FRMD6: variants seen among roughly 807,000 people sequenced by gnomAD.
FRMD6 encodes FERM domain-containing protein 6.
Under a neutral mutation model 73.2 loss-of-function variants are expected in FRMD6, and 37 were observed. That is an observed-to-expected ratio of 0.51 (90% CI 0.39 to 0.66). The LOEUF is 0.66. Among genes scored for constraint, FRMD6 ranks in the 30% least tolerant of loss-of-function variants. FRMD6 has a pLI of 0.00. For synonymous variants in FRMD6, 273 were observed against 282.2 expected (o/e 0.97, Z 0.33); for missense variants, 714 against 780.5 (o/e 0.91, Z 1.02).
chr14:51,567,871 G>T (rs1596618178), intron 1 of FRMD6, among the ~76,000 whole-genome samples: 1 of 152,100 alleles, frequency 6.6e-6, no homozygotes, highest in East Asian at 1.9e-4. Flanking sequence ...TTCTTTTATA[G>T]CTATCTCAAA....
At chr14:51,546,882 G>T (rs1361777832) in intron 1 of FRMD6, 1 of 151,768 alleles carries the variant, frequency 6.6e-6, no homozygotes, top group Non-Finnish European at 1.5e-5. Flanking sequence ...GAGAAACCCG[G>T]GTAAAAGAGT....
At chr14:51,614,734 T>C (rs1566503879) in intron 2 of FRMD6, among the ~76,000 whole-genome samples, 1 of 152,164 alleles carries the variant, frequency 6.6e-6, no homozygotes, top group Non-Finnish European at 1.5e-5. Context: ...CAGCATCATG[T>C]TATAGTTGAA....
intron 1 of FRMD6, among the ~76,000 whole-genome samples, chr14:51,498,192 T>C (rs1883411072): frequency 6.6e-6 from 1 of 152,252 alleles, no homozygotes; most frequent in Non-Finnish European, 1.5e-5. Flanking sequence ...GCATTTTGTG[T>C]AGAAATAGCA....
chr14:51,633,468 G>C (rs1425643370), intron 2 of FRMD6, among the ~76,000 whole-genome samples: 1 of 151,406 alleles, frequency 6.6e-6, no homozygotes, highest in Non-Finnish European at 1.5e-5. Flanking sequence ...TGGGCATGGT[G>C]ACTCATGCCT....
At chr14:51,529,866 C>T (rs533328804) in intron 1 of FRMD6, among the ~76,000 whole-genome samples, 7 of 152,306 alleles carry the variant, frequency 4.6e-5, no homozygotes, top group Admixed American at 2.6e-4. Flanking sequence ...AACAAAAGCA[C>T]GTTCTGAGTA....
chr14:51,627,570 G>T (rs1891166145), intron 2 of FRMD6, among the ~76,000 whole-genome samples: 1 of 152,134 alleles, frequency 6.6e-6, no homozygotes, highest in South Asian at 2.1e-4. Context: ...AGGCTGCTGG[G>T]CCAAGACAGG....
chr14:51,502,640 C>T (rs1310081999), intron 1 of FRMD6, among the ~76,000 whole-genome samples: 1 of 152,152 alleles, frequency 6.6e-6, no homozygotes, highest in Non-Finnish European at 1.5e-5. Context: ...CATGATGACT[C>T]CAGCTTTCTT....
intron 2 of FRMD6, among the ~76,000 whole-genome samples, chr14:51,574,336 T>C (rs1888294595): frequency 1.3e-5 from 2 of 152,252 alleles, no homozygotes; most frequent in Admixed American, 1.3e-4. Context: ...AAATAGACTC[T>C]ATCCACAGAG....
At chr14:51,401,838 C>T in the FRMD6 span, among the ~76,000 whole-genome samples, 3 of 152,168 alleles carry the variant, frequency 2.0e-5, no homozygotes, top group Non-Finnish European at 4.4e-5. Context: ...CTTGTTCATC[C>T]CAAGAGTGTC....
chr14:51,725,909 A>T, intron 13 of FRMD6, 39 bp downstream of exon 13: 3 of 1,459,928 alleles, frequency 2.1e-6, no homozygotes, highest in Non-Finnish European at 2.9e-6. Flanking sequence ...AGGAAACTGA[A>T]GTTATAGAAA....
intron 2 of FRMD6, among the ~76,000 whole-genome samples, chr14:51,697,689 T>G (rs1733368339): frequency 6.6e-6 from 1 of 152,126 alleles, no homozygotes; most frequent in African/African-American, 2.4e-5. Context: ...GTCTGATTTA[T>G]TCATTCCACA....
chr14:51,487,092 A>G (rs111447793), upstream of FRMD6, among the ~76,000 whole-genome samples: 10 of 152,300 alleles, frequency 6.6e-5, 1 homozygote, highest in African/African-American at 2.2e-4. Context: ...AATCATGAAC[A>G]TGACCCCCAG....
In FRMD6 at chr14:51,611,624, T is replaced by C. The variant is rs758322739; in HGVS notation, c.-147+41214T>C. ...TACTAAGACACAGATTTGAATTCAG[T>C]AGGACTAGGGTAGGGCCCAAGAATC... On this transcript the variant is annotated intron_variant, in intron 2 of 14. Coordinates refer to the FRMD6 transcript ENST00000356218. 3.9e-5 allele frequency among the ~76,000 whole-genome samples: 6 copies of C among 152,314 alleles called. No individual in the cohort carries two copies. The East Asian group carries it at 5.8e-4, about 15-fold the overall frequency.
chr14:51,456,783 T>C, the FRMD6 span, among the ~76,000 whole-genome samples: 1 of 152,080 alleles, frequency 6.6e-6, no homozygotes. Context: ...ATAAAGAAAA[T>C]GTGGCATATA....
At chr14:51,721,869 C>T in intron 11 of FRMD6, 80 bp from the exon 12 acceptor site, 1 of 1,506,300 alleles carries the variant, frequency 6.6e-7, no homozygotes. Context: ...AATTACATAG[C>T]CACCCTCAAA....
the FRMD6 span, among the ~76,000 whole-genome samples, chr14:51,451,379 T>C: frequency 6.6e-6 from 1 of 152,162 alleles, no homozygotes; most frequent in African/African-American, 2.4e-5. Flanking sequence ...TCTATGCATA[T>C]GTATATATAT....
intron 6 of FRMD6, 134 bp from the exon 7 acceptor site, chr14:51,707,944 A>G: frequency 1.4e-6 from 1 of 724,070 alleles, no homozygotes; most frequent in South Asian, 1.9e-5. Context: ...TGAAAACAGA[A>G]TGAATTTTCA....
intron 1 of FRMD6, among the ~76,000 whole-genome samples, chr14:51,568,246 C>G (rs1048152818): frequency 6.6e-6 from 1 of 152,236 alleles, no homozygotes; most frequent in East Asian, 1.9e-4. Context: ...TGCAGGAAAC[C>G]TTCCATTGAT....
intron 1 of FRMD6, among the ~76,000 whole-genome samples, chr14:51,679,555 CTTTTTT>C (rs61250963): frequency 8.3e-6 from 1 of 120,588 alleles, no homozygotes; most frequent in Non-Finnish European, 1.8e-5. Flanking sequence ...CATTTGTTTT[CTTTTTT>C]TTTTTTTTTT....
Sources: gnomAD v4.1 joint callset for allele counts (sites outside exome capture counted in the v4.1 genomes callset) on GRCh38, gnomAD v4.1.1 for gene constraint, MANE v1.5 for transcripts, NCBI Gene and HGNC (gene_info 2026-07-23, HGNC 2026-07-21) for gene names.